DPT: variants seen among roughly 807,000 people sequenced by gnomAD.
DPT encodes tyrosine-rich acidic matrix protein.
A neutral mutation model predicts 31.2 loss-of-function variants in DPT; 21 were observed. That is an observed-to-expected ratio of 0.67 (90% CI 0.48 to 0.97). The LOEUF (loss-of-function observed/expected upper bound fraction) is 0.97. Ranked by LOEUF, DPT falls within the 50% of genes least tolerant of loss-of-function variation. The probability of loss-of-function intolerance (pLI) is 0.00; values close to 1 mark genes in which losing one functional copy is unlikely to be tolerated. For synonymous variants in DPT, 91 were observed against 86.9 expected, an observed-to-expected ratio of 1.05 and a Z score of -0.26; for missense variants, 262 against 258.8, an observed-to-expected ratio of 1.01 and a Z score of -0.08.
intron 2 of DPT, among the ~76,000 whole-genome samples, chr1:168,708,776 G>A (rs1356251875): frequency 2.0e-5 from 3 of 152,186 alleles, no homozygotes; most frequent in Non-Finnish European, 4.4e-5. Context: ...GACAGGCACA[G>A]CAATGCAGAG....
At chr1:168,728,795 A>G in intron 1 of DPT, 75 bp downstream of exon 1, 1 of 1,541,768 alleles carries the variant, frequency 6.5e-7, no homozygotes, top group South Asian at 1.2e-5. Flanking sequence ...ATTCCTTGAG[A>G]GTCTAGCAGC....
At chr1:168,728,841 C>T (rs762829104) in intron 1 of DPT, 29 bp downstream of exon 1, 4 of 1,608,568 alleles carry the variant, frequency 2.5e-6, no homozygotes, top group Non-Finnish European at 2.6e-6. Flanking sequence ...TGTTCCCAGC[C>T]CCAGTGCAGT....
At chr1:168,718,764 C>A (rs549936318) in intron 1 of DPT, among the ~76,000 whole-genome samples, 3 of 152,242 alleles carry the variant, frequency 2.0e-5, no homozygotes, top group Admixed American at 6.5e-5. Flanking sequence ...ATCGTGAAGA[C>A]CAAATAAGAC....
At chr1:168,698,917 A>T (rs1265615768) in intron 3 of DPT, among the ~76,000 whole-genome samples, 1 of 152,158 alleles carries the variant, frequency 6.6e-6, no homozygotes, top group Non-Finnish European at 1.5e-5. Context: ...TAAGCTACTT[A>T]TTTTTGATGA....
chr1:168,703,722 A>G (rs1034150736), intron 2 of DPT, among the ~76,000 whole-genome samples: 4 of 152,196 alleles, frequency 2.6e-5, no homozygotes, highest in African/African-American at 9.7e-5. Flanking sequence ...AGAGGGAAGG[A>G]GGTTGGATAT....
Position 168,710,706 on chromosome 1 carries a change from T to A in DPT, c.431+3515A>T, listed in dbSNP as rs943004442. On this transcript the variant is annotated intron_variant, in intron 2 of 3. Coordinates refer to ENST00000367817, the MANE Select transcript of DPT (RefSeq NM_001937.5). ...TTTCTAAAGTATGTGAGAGGAACGA[T>A]ACCTAGCATTCTTGGGGAAGCAGAA... Among the ~76,000 whole-genome samples, 3 of 152,132 alleles carry A rather than the reference T, an allele frequency of 2.0e-5. No individual in the cohort carries two copies. The East Asian group carries it at 5.8e-4, about 29-fold the overall frequency.
chr1:168,710,458 G>T (rs542847824), intron 2 of DPT, among the ~76,000 whole-genome samples: 18 of 152,240 alleles, frequency 1.2e-4, no homozygotes, highest in Middle Eastern at 3.4e-3. Context: ...AAGGGTAAAG[G>T]GTATGGGGGT....
At chr1:168,724,776 G>A (rs1307777831) in intron 1 of DPT, among the ~76,000 whole-genome samples, 1 of 152,056 alleles carries the variant, frequency 6.6e-6, no homozygotes, top group Non-Finnish European at 1.5e-5. Flanking sequence ...ATGGAAAACG[G>A]AGTTCCCACC....
At chr1:168,712,150 G>A (rs1203798901) in intron 2 of DPT, among the ~76,000 whole-genome samples, 1 of 152,180 alleles carries the variant, frequency 6.6e-6, no homozygotes, top group Non-Finnish European at 1.5e-5. Flanking sequence ...ATATCCTCCA[G>A]ACACTGGAAG....
chr1:168,714,028 T>C (rs1557849245), intron 2 of DPT, among the ~76,000 whole-genome samples, 193 bp downstream of exon 2: 2 of 152,186 alleles, frequency 1.3e-5, no homozygotes, highest in African/African-American at 4.8e-5. Flanking sequence ...AAGAAGGATG[T>C]GGGGGGTTGG....
At chr1:168,727,849 C>A (rs115097200) in intron 1 of DPT, among the ~76,000 whole-genome samples, 35 of 152,152 alleles carry the variant, frequency 2.3e-4, no homozygotes, top group African/African-American at 8.2e-4. Context: ...AGATTTTGTG[C>A]TTGACCCCTC....
intron 1 of DPT, among the ~76,000 whole-genome samples, chr1:168,714,821 A>G (rs947504855): frequency 3.9e-5 from 6 of 152,384 alleles, no homozygotes; most frequent in African/African-American, 1.4e-4. Flanking sequence ...GAAATTGAGC[A>G]CAAGGATGAT....
chr1:168,714,192 A>G, intron 2 of DPT, 29 bp downstream of exon 2: 1 of 1,613,916 alleles, frequency 6.2e-7, no homozygotes, highest in Non-Finnish European at 8.5e-7. Context: ...CCCAGGAGTC[A>G]TGAGGGTTTG....
At chr1:168,713,868 T>G (rs1557849184) in intron 2 of DPT, among the ~76,000 whole-genome samples, 1 of 152,050 alleles carries the variant, frequency 6.6e-6, no homozygotes, top group Non-Finnish European at 1.5e-5. Flanking sequence ...TTGGATATGA[T>G]GAGAAGTTAC....
intron 1 of DPT, among the ~76,000 whole-genome samples, chr1:168,725,254 T>TTTCCTTTCCTTTCCTTTCCTTTCCTTTC (rs1557852197): frequency 1.8e-4 from 6 of 33,880 alleles, no homozygotes; most frequent in African/African-American, 3.5e-4. Flanking sequence ...CTTTCCTTTC[T>TTTCCTTTCCTTTCCTTTCCTTTCCTTTC]CTTTCCCTTC....
rs994619726 is a variant in DPT, at chr1:168,701,130, C to A, written c.432-6G>T. 2.5e-6 allele frequency: 4 copies of A among 1,596,638 alleles called. No homozygotes were observed. The Admixed American group carries it at 6.7e-5, about 27-fold the overall frequency. On this transcript the variant is annotated splice_region_variant and splice_polypyrimidine_tract_variant and intron_variant, in intron 2 of 3. Transcript: ENST00000367817. ...CTGGATATTCTGTTGTTAGCCTATGCAGGAAGAACAAAGGTTAGAGGAAAA... is the reference window on the plus strand; with the variant it reads ...CTGGATATTCTGTTGTTAGCCTATGAAGGAAGAACAAAGGTTAGAGGAAAA...
chr1:168,696,810 T>A (rs1649478309), intron 3 of DPT, among the ~76,000 whole-genome samples, 195 bp from the exon 4 acceptor site: 1 of 152,156 alleles, frequency 6.6e-6, no homozygotes, highest in Non-Finnish European at 1.5e-5. Flanking sequence ...AGGTCACCCT[T>A]GAAGGTGACT....
chr1:168,726,520 G>A (rs1029242336), intron 1 of DPT, among the ~76,000 whole-genome samples: 2 of 152,206 alleles, frequency 1.3e-5, no homozygotes, highest in African/African-American at 4.8e-5. Context: ...CAAATGAGGC[G>A]GGAGACTGGA....
intron 1 of DPT, among the ~76,000 whole-genome samples, chr1:168,725,049 A>G (rs1479552841): frequency 6.6e-6 from 1 of 152,194 alleles, no homozygotes; most frequent in Admixed American, 6.5e-5. Flanking sequence ...CAGATTCACT[A>G]AACTTTTACT....
Sources: gnomAD v4.1 joint callset for allele counts (sites outside exome capture counted in the v4.1 genomes callset) on GRCh38, gnomAD v4.1.1 for gene constraint, MANE v1.5 for transcripts, NCBI Gene and HGNC (gene_info 2026-07-23, HGNC 2026-07-21) for gene names.